Variants in RPTOR observed in about 807,000 individuals in gnomAD.
The protein encoded by RPTOR is regulatory-associated protein of mTOR.
A neutral mutation model predicts 169.9 loss-of-function variants in RPTOR; 21 were observed. The observed-to-expected ratio is 0.12, with a 90% CI of 0.09 to 0.18. RPTOR has a LOEUF of 0.18. RPTOR is among the 10% of genes least tolerant of loss of function. The probability of loss-of-function intolerance (pLI) is 1.00; values close to 1 mark genes in which losing one functional copy is unlikely to be tolerated. For synonymous variants in RPTOR, 732 were observed against 753.2 expected (o/e 0.97, Z 0.46); for missense variants, 1,133 against 1,855.9 (o/e 0.61, Z 7.16).
chr17:80,923,957 CT>C (rs2068781000), intron 23 of RPTOR: 3 of 439,884 alleles, frequency 6.8e-6, no homozygotes, highest in South Asian at 9.0e-5. Context: ...TTCTCCGCCC[CT>C]GGTTCTGGTT....
rs940031977 is a variant in RPTOR at position 80,959,825 on chromosome 17, G to A, written c.3478-253G>A. On this transcript the variant is annotated intron_variant, in intron 29 of 33. Transcript: ENST00000306801. This position sits in a 1 kb window ranked among gnomAD's most constrained non-coding sequence, Gnocchi z 6.7. ...ACTGGCTGGGTCCCAGGCGCCTCAG[G>A]GCCTCAGGGCTGTCCCTCCAGGGCC... Among the ~76,000 whole-genome samples the A allele has an allele frequency of 3.9e-5, 6 of 152,310 alleles. No individual in the cohort carries two copies. The highest frequency in any genetic ancestry group is 1.2e-4 in the African/African-American group (5 of 41,574).
At chr17:80,561,263 GTATATA>G (rs1555713889) in intron 1 of RPTOR, among the ~76,000 whole-genome samples, 1 of 19,610 alleles carries the variant, frequency 5.1e-5, no homozygotes, top group Non-Finnish European at 1.7e-4. Flanking sequence ...ATATATATAT[GTATATA>G]TATATATATA....
chr17:80,865,605 G>A (rs1407705025), intron 13 of RPTOR, among the ~76,000 whole-genome samples: 3 of 152,182 alleles, frequency 2.0e-5, no homozygotes, highest in Middle Eastern at 3.4e-3. Flanking sequence ...TCAAGAGAAC[G>A]TCGCAGTCCT....
At chr17:80,556,860 G>A (rs7220346) in intron 1 of RPTOR, among the ~76,000 whole-genome samples, 11,229 of 151,912 alleles carry the variant, frequency 0.074, 1,363 homozygotes, top group African/African-American at 0.25. Context: ...TTGGGAGGTC[G>A]AGGCGGGTGG....
intron 4 of RPTOR, among the ~76,000 whole-genome samples, chr17:80,728,443 T>TA (rs2066358845): frequency 2.3e-5 from 2 of 86,838 alleles, no homozygotes; most frequent in Non-Finnish European, 5.5e-5. Flanking sequence ...CAGTCCACTC[T>TA]GGGGTGTGTG....
chr17:80,918,247 C>T (rs4969304), intron 21 of RPTOR, among the ~76,000 whole-genome samples: 73,325 of 152,112 alleles, frequency 0.48, 17,950 homozygotes, highest in Middle Eastern at 0.52. Flanking sequence ...CCCGTGGGCC[C>T]CTGCCCAGCT....
intron 3 of RPTOR, among the ~76,000 whole-genome samples, chr17:80,663,342 T>C (rs2065738887): frequency 1.3e-5 from 2 of 152,320 alleles, no homozygotes; most frequent in Admixed American, 6.5e-5. Context: ...TGGGTGGTTG[T>C]ATGTTTCCAG....
intron 3 of RPTOR, among the ~76,000 whole-genome samples, chr17:80,670,632 G>A (rs747497013): frequency 6.6e-6 from 1 of 152,078 alleles, no homozygotes; most frequent in Non-Finnish European, 1.5e-5. Flanking sequence ...TAATCCATTT[G>A]GTAACAGATG....
intron 13 of RPTOR, among the ~76,000 whole-genome samples, chr17:80,862,026 C>G (rs1291963600): frequency 6.6e-6 from 1 of 152,164 alleles, no homozygotes; most frequent in African/African-American, 2.4e-5. Flanking sequence ...TGGCCATGAG[C>G]ACGGAGGCTG....
chr17:80,648,366 G>A (rs1475960848), intron 3 of RPTOR, among the ~76,000 whole-genome samples: 1 of 152,078 alleles, frequency 6.6e-6, no homozygotes, highest in African/African-American at 2.4e-5. Context: ...ATGTTTATGT[G>A]TAATTCCATG....
At chr17:80,842,062 C>T (rs1006574729) in intron 10 of RPTOR, among the ~76,000 whole-genome samples, 25 of 152,200 alleles carry the variant, frequency 1.6e-4, no homozygotes, top group African/African-American at 5.5e-4. Flanking sequence ...ACACTCACGG[C>T]GCTGCAGCTC....
intron 11 of RPTOR, among the ~76,000 whole-genome samples, chr17:80,854,156 C>G (rs2067826851): frequency 6.6e-6 from 1 of 152,168 alleles, no homozygotes; most frequent in South Asian, 2.1e-4. Flanking sequence ...GCCCATCAAC[C>G]TGCAAAATGT....
rs1324426318 is a variant in RPTOR at position 80,844,072 on chromosome 17, A to G, written c.1213-2401A>G. Reference sequence around the variant, plus strand: ...GCAGGGGCCAGCTCAGGAGCTCTTCATGGGGTGGAGAAAATCTCAGAGATT... The same window carrying G: ...GCAGGGGCCAGCTCAGGAGCTCTTCGTGGGGTGGAGAAAATCTCAGAGATT... On this transcript the variant is annotated intron_variant, in intron 10 of 33. Transcript: ENST00000306801. This position sits in a 1 kb window ranked among gnomAD's most constrained non-coding sequence, Gnocchi z 4.7. Among the ~76,000 whole-genome samples, 1 of 152,108 alleles carries G rather than the reference A, an allele frequency of 6.6e-6. No homozygotes were observed. Among genetic ancestry groups the G allele is most frequent in the Non-Finnish European group, 1.5e-5 (1 of 68,014 alleles).
At chr17:80,773,922 C>G in intron 6 of RPTOR, 4 of 985,290 alleles carry the variant, frequency 4.1e-6, no homozygotes, top group Non-Finnish European at 4.8e-6. Context: ...CCGGTGGACA[C>G]GCAGGGCTAT....
chr17:80,859,466 G>A (rs755065959), intron 13 of RPTOR, among the ~76,000 whole-genome samples: 5 of 152,244 alleles, frequency 3.3e-5, no homozygotes, highest in South Asian at 2.1e-4. Context: ...GTCCGTGTGC[G>A]GAGGGGCACA....
Position 80,730,765 on chromosome 17 carries a change from GGGGTTT to G in RPTOR, c.654+64_654+69del. The G allele has an allele frequency of 7.1e-7, 1 of 1,416,082 alleles. No homozygotes were observed. The highest frequency in any genetic ancestry group is 9.8e-7 in the Non-Finnish European group (1 of 1,017,482). 87.7% of individuals were successfully genotyped at this position (1,416,082 alleles called of 1,614,324 possible). On this transcript the variant is annotated intron_variant, in intron 5 of 33. Transcript: ENST00000306801. This position sits in a 1 kb window ranked among gnomAD's most constrained non-coding sequence, Gnocchi z 4.2. ...GTTTGGTTTTGTTTTCCCTGGGGGT[GGGGTTT>G]GGGTGGGGAGGTTGGGAGGTGTTGG...
At chr17:80,904,543 A>T (rs2068517196) in intron 20 of RPTOR, among the ~76,000 whole-genome samples, 1 of 152,160 alleles carries the variant, frequency 6.6e-6, no homozygotes, top group Admixed American at 6.5e-5. Context: ...AAAACCATTC[A>T]TTATGATCTT....
In RPTOR at chr17:80,545,743, A is replaced by G; in HGVS notation, c.114A>G (p.Lys38=). 1 of 1,613,954 alleles carries G rather than the reference A, an allele frequency of 6.2e-7. No individual in the cohort carries two copies. Among genetic ancestry groups the G allele is most frequent in the South Asian group, 1.1e-5 (1 of 91,052 alleles). ...TTATGAAAAAGAGGCACTGTGAGAA[A>G]ATTGAAGGCTCCAAATCCTTAGCTC... is the stretch of plus-strand genomic sequence containing the variant. The part of the protein sequence containing the change: ...LAFMKKRHCE[K]IEGSKSLAQS... The change falls in exon 1 of 34, where the codon AAA becomes AAG. Residue 38 remains lysine (K), a synonymous_variant. Transcript: ENST00000306801.
chr17:80,738,183 G>T (rs931637288), intron 5 of RPTOR, among the ~76,000 whole-genome samples: 3 of 152,246 alleles, frequency 2.0e-5, no homozygotes, highest in African/African-American at 7.2e-5. Flanking sequence ...GCAGGCAGCA[G>T]GAGATGCCCA....
Sources: gnomAD v4.1 joint callset for allele counts (sites outside exome capture counted in the v4.1 genomes callset) on GRCh38, gnomAD v4.1.1 for gene constraint, Gnocchi (gnomAD v3.1) non-coding constraint, MANE v1.5 for transcripts, NCBI Gene and HGNC (gene_info 2026-07-23, HGNC 2026-07-21) for gene names.